Variants in PROCR observed in about 807,000 individuals in gnomAD.
The protein encoded by PROCR is endothelial protein C receptor.
Under a neutral mutation model 24.2 loss-of-function variants are expected in PROCR, and 22 were observed. That is an observed-to-expected ratio of 0.91 (90% CI 0.65 to 1.30). The LOEUF is 1.30. Ranked by LOEUF, PROCR falls within the 50% of genes most tolerant of loss-of-function variation. PROCR has a pLI of 0.00. For missense variants in PROCR, 288 were observed against 307.7 expected (o/e 0.94, Z 0.48); for synonymous variants, 137 against 139.2 (o/e 0.98, Z 0.11).
rs200377875 is a variant in PROCR at position 35,174,924 on chromosome 20, G to C, written c.293G>C (p.Arg98Pro). Residue 98 changes from arginine (R) to proline (P), a missense_variant, in exon 2 of 4, where the codon CGC becomes CCC. Physicochemically the swap from Arg to Pro is moderately radical, Grantham distance 103. Transcript: ENST00000216968. Reference protein sequence around the residue: ...SYLLQFHGLVRLVHQERTLAF... With the variant: ...SYLLQFHGLVPLVHQERTLAF... ...CTGCTCCAGTTCCACGGCCTCGTGC[G>C]CCTGGTGCACCAGGAGCGGACCTTG... The C allele has an allele frequency of 2.2e-5, 34 of 1,575,598 alleles. No individual in the cohort carries two copies. Among genetic ancestry groups the C allele is most frequent in the Admixed American group, 3.6e-5 (2 of 54,948 alleles).
intron 1 of PROCR, among the ~76,000 whole-genome samples, chr20:35,204,431 C>A (rs2060330552): frequency 7.8e-6 from 1 of 127,904 alleles, no homozygotes; most frequent in African/African-American, 2.9e-5. Flanking sequence ...CTTTTCTTTT[C>A]TTTCCTTTTC....
chr20:35,188,236 A>G (rs1469114225), intron 1 of PROCR, among the ~76,000 whole-genome samples: 1 of 152,216 alleles, frequency 6.6e-6, no homozygotes, highest in Middle Eastern at 3.2e-3. Context: ...CAGGGATGCA[A>G]AAGTGGGTAA....
At chr20:35,205,051 T>C (rs1053339320) in intron 1 of PROCR, among the ~76,000 whole-genome samples, 9 of 152,020 alleles carry the variant, frequency 5.9e-5, no homozygotes, top group Non-Finnish European at 2.9e-5. Flanking sequence ...AGCGGGCAGA[T>C]CACCTGAGGT....
intron 1 of PROCR, among the ~76,000 whole-genome samples, chr20:35,206,033 T>C (rs993924945): frequency 6.6e-6 from 1 of 150,510 alleles, no homozygotes; most frequent in African/African-American, 2.4e-5. Flanking sequence ...TTTTAAAAAA[T>C]TTTATTTTAT....
downstream of PROCR, chr20:35,177,452 T>C (rs2086032368): frequency 1.1e-6 from 1 of 931,656 alleles, no homozygotes; most frequent in Non-Finnish European, 1.3e-6. Flanking sequence ...TCTTTTTTTT[T>C]TTTTTTTTTT....
intron 1 of PROCR, among the ~76,000 whole-genome samples, chr20:35,211,862 A>G (rs2060363738): frequency 6.6e-6 from 1 of 151,968 alleles, no homozygotes; most frequent in African/African-American, 2.4e-5. Context: ...AAAAATATAA[A>G]AAAATTAGCT....
intron 1 of PROCR, among the ~76,000 whole-genome samples, chr20:35,191,075 G>T (rs1022967784): frequency 6.6e-6 from 1 of 152,046 alleles, no homozygotes; most frequent in African/African-American, 2.4e-5. Context: ...GGCCAGGATG[G>T]TCTCGATCTC....
downstream of PROCR, among the ~76,000 whole-genome samples, chr20:35,177,649 C>T (rs1394043583): frequency 2.0e-5 from 3 of 151,480 alleles, no homozygotes; most frequent in Non-Finnish European, 2.9e-5. Flanking sequence ...GGTTTCACCA[C>T]GTTGGCCATC....
At chr20:35,205,888 T>C (rs972141652) in intron 1 of PROCR, among the ~76,000 whole-genome samples, 1 of 146,622 alleles carries the variant, frequency 6.8e-6, no homozygotes, top group Non-Finnish European at 1.5e-5. Context: ...TATGTATATA[T>C]GTGTATGACC....
intron 1 of PROCR, among the ~76,000 whole-genome samples, chr20:35,172,824 G>A (rs578138827): frequency 2.0e-4 from 31 of 152,224 alleles, no homozygotes; most frequent in Non-Finnish European, 3.4e-4. Flanking sequence ...TAATTGCACA[G>A]GGGCCTCCTT....
At chr20:35,174,348 A>T (rs949683284) in intron 1 of PROCR, 1 of 359,608 alleles carries the variant, frequency 2.8e-6, no homozygotes, top group Non-Finnish European at 5.4e-6. Flanking sequence ...GGAGATGGAG[A>T]ACAGGCGATG....
chr20:35,172,417 C>CCAAGGTGAGTTAGTACATTCATCT (rs1568589378), intron 1 of PROCR, among the ~76,000 whole-genome samples, 193 bp downstream of exon 1: 39 of 152,202 alleles, frequency 2.6e-4, no homozygotes, highest in African/African-American at 9.4e-4. Context: ...TACATTTAAG[C>CCAAGGTGAGTTAGTACATTCATCT]CCCTGAAAAG....
At chr20:35,175,909 T>C (rs1329831143) in intron 2 of PROCR, among the ~76,000 whole-genome samples, 2 of 151,594 alleles carry the variant, frequency 1.3e-5, no homozygotes, top group Non-Finnish European at 2.9e-5. Flanking sequence ...GTTTTTTTTT[T>C]CTATTACAGT....
intron 1 of PROCR, among the ~76,000 whole-genome samples, chr20:35,208,277 G>A (rs1020322052): frequency 2.6e-5 from 4 of 152,266 alleles, no homozygotes; most frequent in African/African-American, 7.2e-5. Flanking sequence ...TTCTCTCTTC[G>A]GAATCTGTCA....
chr20:35,174,303 G>A, intron 1 of PROCR: 1 of 307,398 alleles, frequency 3.3e-6, no homozygotes, highest in Non-Finnish European at 6.4e-6. Context: ...CAGTCTAGAT[G>A]AGACGGATGA....
At chr20:35,204,628 G>T (rs538323918) in intron 1 of PROCR, among the ~76,000 whole-genome samples, 1 of 152,024 alleles carries the variant, frequency 6.6e-6, no homozygotes, top group African/African-American at 2.4e-5. Flanking sequence ...GCCTGCCTTA[G>T]CTTCCCAAAG....
chr20:35,214,402 T>C (rs2060373291), intron 1 of PROCR, among the ~76,000 whole-genome samples: 1 of 152,164 alleles, frequency 6.6e-6, no homozygotes. Flanking sequence ...AATGGCTGCA[T>C]TGGGCCGGGC....
chr20:35,176,291 T>C lies in PROCR; in HGVS notation c.446T>C (p.Leu149Ser). 1 of 1,614,208 alleles carries C rather than the reference T, an allele frequency of 6.2e-7. No homozygotes were observed. Among genetic ancestry groups the C allele is most frequent in the Admixed American group, 1.7e-5 (1 of 60,026 alleles). ...SFVSFRPERALWQADTQVTSG... is the reference protein window; with the variant it reads ...SFVSFRPERASWQADTQVTSG... ...GTGAGTTTCCGGCCGGAGAGAGCCT[T>C]GTGGCAGGCAGACACCCAGGTCACC... Residue 149 changes from leucine to serine, a missense_variant, in exon 3 of 4, where the codon TTG becomes TCG. By Grantham distance (145) the Leu-to-Ser change is moderately radical. Coordinates refer to ENST00000216968, the MANE Select transcript of PROCR (RefSeq NM_006404.5).
intron 1 of PROCR, among the ~76,000 whole-genome samples, chr20:35,213,802 G>A (rs1316852047): frequency 6.6e-6 from 1 of 152,154 alleles, no homozygotes; most frequent in Non-Finnish European, 1.5e-5. Flanking sequence ...AGCCAGGCAT[G>A]GTGGCTCCCA....
Sources: gnomAD v4.1 joint callset for allele counts (sites outside exome capture counted in the v4.1 genomes callset) on GRCh38, gnomAD v4.1.1 for gene constraint, MANE v1.5 for transcripts, NCBI Gene and HGNC (gene_info 2026-07-23, HGNC 2026-07-21) for gene names.